Variants in RPS6KA2 observed in about 807,000 individuals in gnomAD.
RPS6KA2 encodes the protein ribosomal protein S6 kinase A2, also known as ribosomal protein S6 kinase alpha-2.
RPS6KA2 carries 42 observed loss-of-function variants against 91.8 expected under a neutral mutation model. The observed-to-expected ratio is 0.46, with a 90% CI of 0.36 to 0.59. The LOEUF (loss-of-function observed/expected upper bound fraction) is 0.59. Ranked by LOEUF, RPS6KA2 falls within the 20% of genes least tolerant of loss-of-function variation. RPS6KA2 has a pLI of 0.00. For synonymous variants in RPS6KA2, 414 were observed against 393.6 expected (o/e 1.05, Z -0.61); for missense variants, 798 against 978.5 (o/e 0.82, Z 2.46).
Position 166,533,852 on chromosome 6 carries a change from C to T in RPS6KA2, c.217-2539G>A, listed in dbSNP as rs1783381650. Among the ~76,000 whole-genome samples, 1 of 152,184 alleles carries T rather than the reference C, an allele frequency of 6.6e-6. No individual in the cohort carries two copies. The highest frequency in any genetic ancestry group is 2.1e-4 in the South Asian group (1 of 4,834). On this transcript the variant is annotated intron_variant, in intron 2 of 20. Coordinates refer to ENST00000265678, the MANE Select transcript of RPS6KA2 (RefSeq NM_021135.6). This position sits in a 1 kb window ranked among gnomAD's most constrained non-coding sequence, Gnocchi z 4.0. Reference sequence around the variant, plus strand: ...AATCCAGCACATTGGGAGGCTGAGACAGAAGGATCTCTTGAGGCCAAGAAT... The same window carrying T: ...AATCCAGCACATTGGGAGGCTGAGATAGAAGGATCTCTTGAGGCCAAGAAT...
chr6:166,562,129 C>T (rs116408712), intron 1 of RPS6KA2, among the ~76,000 whole-genome samples: 30 of 152,244 alleles, frequency 2.0e-4, no homozygotes, highest in African/African-American at 6.7e-4. Flanking sequence ...AGACTTCCTA[C>T]AGGATACAGG....
At chr6:166,649,229 G>A (rs561550810) in intron 2 of RPS6KA2, among the ~76,000 whole-genome samples, 5 of 152,162 alleles carry the variant, frequency 3.3e-5, no homozygotes, top group African/African-American at 4.8e-5. Flanking sequence ...GCCCGTCTGC[G>A]CTCCTGCCCC....
chr6:166,826,906 A>G (rs919187973), intron 2 of RPS6KA2, among the ~76,000 whole-genome samples: 2 of 152,204 alleles, frequency 1.3e-5, no homozygotes, highest in Non-Finnish European at 2.9e-5. Flanking sequence ...TATGAATTAT[A>G]TAACTGATTA....
At chr6:166,738,762 T>G (rs1790735744) in intron 2 of RPS6KA2, among the ~76,000 whole-genome samples, 1 of 152,118 alleles carries the variant, frequency 6.6e-6, no homozygotes. Context: ...AAGATATCAA[T>G]CCACGGAGTT....
chr6:166,746,782 A>G (rs1016622234), intron 2 of RPS6KA2, among the ~76,000 whole-genome samples: 9 of 152,080 alleles, frequency 5.9e-5, no homozygotes, highest in African/African-American at 1.4e-4. Context: ...GGTTCCTTCA[A>G]CTAAATAGGG....
intron 2 of RPS6KA2, among the ~76,000 whole-genome samples, chr6:166,674,596 T>G (rs1788568089): frequency 6.6e-6 from 1 of 152,322 alleles, no homozygotes; most frequent in South Asian, 2.1e-4. Flanking sequence ...AAGCTGTTTA[T>G]GGAAATAAGA....
rs1012776633 is a variant in RPS6KA2, at chr6:166,737,559, G to C, written c.123+120641C>G. On this transcript the variant is annotated intron_variant, in intron 2 of 21. Transcript: ENST00000503859. This position sits in a 1 kb window ranked among gnomAD's most constrained non-coding sequence, Gnocchi z 4.3. ...ATTCTAAACGTCTCCTTTGCAAATTGTTCAATTAAAAACAGAATGAGCTTT... is the reference window on the plus strand; with the variant it reads ...ATTCTAAACGTCTCCTTTGCAAATTCTTCAATTAAAAACAGAATGAGCTTT... 6.6e-6 allele frequency among the ~76,000 whole-genome samples: 1 copy of C among 152,156 alleles called. No homozygotes were observed. The highest frequency in any genetic ancestry group is 1.5e-5 in the Non-Finnish European group (1 of 68,024).
At chr6:166,797,004 G>C (rs1321807014) in intron 2 of RPS6KA2, among the ~76,000 whole-genome samples, 3 of 152,246 alleles carry the variant, frequency 2.0e-5, no homozygotes, top group African/African-American at 4.8e-5. Flanking sequence ...TCATTCTCCA[G>C]GGCATTTGAG....
chr6:166,552,959 T>C (rs185234378), intron 1 of RPS6KA2, among the ~76,000 whole-genome samples: 22 of 152,378 alleles, frequency 1.4e-4, no homozygotes, highest in Admixed American at 3.9e-4. Context: ...AGCTTTGACA[T>C]TGATCTACTA....
intron 2 of RPS6KA2, among the ~76,000 whole-genome samples, chr6:166,754,529 C>T (rs1440118271): frequency 6.6e-6 from 1 of 152,114 alleles, no homozygotes; most frequent in Non-Finnish European, 1.5e-5. Context: ...TGGTACTGGG[C>T]CCTGGGAGGA....
In RPS6KA2 at chr6:166,478,706, G is replaced by A. The variant is rs1487813789; in HGVS notation, c.908-8801C>T. 2.6e-5 allele frequency among the ~76,000 whole-genome samples: 4 copies of A among 152,340 alleles called. No individual in the cohort carries two copies. The East Asian group carries it at 7.7e-4, about 29-fold the overall frequency. ...AAGTGGCAGAGAAAGAAAAGTGTCA[G>A]ATGAGCAGGAAGCAATGAGGCCGGG... On this transcript the variant is annotated intron_variant, in intron 10 of 20. Coordinates refer to ENST00000265678, the MANE Select transcript of RPS6KA2 (RefSeq NM_021135.6).
intron 10 of RPS6KA2, among the ~76,000 whole-genome samples, chr6:166,484,605 T>C (rs145269196): frequency 1.4e-3 from 219 of 152,304 alleles, no homozygotes; most frequent in African/African-American, 5.1e-3. Flanking sequence ...GGAGGTGTTG[T>C]AGCCGCATTG....
intron 2 of RPS6KA2, among the ~76,000 whole-genome samples, chr6:166,681,517 T>C (rs1243853470): frequency 6.6e-6 from 1 of 151,932 alleles, no homozygotes; most frequent in Non-Finnish European, 1.5e-5. Context: ...GGCTGACCAG[T>C]GTGACCAGTG....
rs953519640 is a variant in RPS6KA2 at position 166,645,755 on chromosome 6, G to A, written c.124-106971C>T. 2.6e-5 allele frequency among the ~76,000 whole-genome samples: 4 copies of A among 152,374 alleles called. No homozygotes were observed. The East Asian group carries it at 5.8e-4, about 22-fold the overall frequency. The stretch of plus-strand genomic sequence containing the variant: ...AGAATTCATTTTTAGCTCTAAATAA[G>A]TAAAGGTATGAATTAAACAGTAGCA... On this transcript the variant is annotated intron_variant, in intron 2 of 21. Coordinates refer to the RPS6KA2 transcript ENST00000503859.
At chr6:166,461,572 A>C (rs1583165097) in intron 11 of RPS6KA2, among the ~76,000 whole-genome samples, 1 of 24,800 alleles carries the variant, frequency 4.0e-5, no homozygotes, top group African/African-American at 1.7e-4. Flanking sequence ...GGAGGGGAGG[A>C]GGGGAGAAAT....
intron 2 of RPS6KA2, among the ~76,000 whole-genome samples, chr6:166,740,109 G>A (rs147880141): frequency 1.3e-4 from 20 of 152,308 alleles, no homozygotes; most frequent in African/African-American, 3.4e-4. Flanking sequence ...CATGCTCTTC[G>A]TGGCTTCTTG....
intron 1 of RPS6KA2, among the ~76,000 whole-genome samples, chr6:166,556,855 T>C (rs1173619377): frequency 1.3e-5 from 2 of 152,216 alleles, no homozygotes; most frequent in African/African-American, 4.8e-5. Context: ...GTCAGGGCAG[T>C]CTTTGTAAAA....
chr6:166,806,949 T>C (rs1779507578), intron 2 of RPS6KA2, among the ~76,000 whole-genome samples: 1 of 152,242 alleles, frequency 6.6e-6, no homozygotes, highest in Non-Finnish European at 1.5e-5. Context: ...CAAATCACAA[T>C]GTTACAATTT....
At chr6:166,438,362 C>T (rs1393799730) in intron 14 of RPS6KA2, among the ~76,000 whole-genome samples, 1 of 152,244 alleles carries the variant, frequency 6.6e-6, no homozygotes, top group Non-Finnish European at 1.5e-5. Context: ...TGAGTACAGA[C>T]TGGAGCCTCC....
Sources: gnomAD v4.1 joint callset for allele counts (sites outside exome capture counted in the v4.1 genomes callset) on GRCh38, gnomAD v4.1.1 for gene constraint, Gnocchi (gnomAD v3.1) non-coding constraint, MANE v1.5 for transcripts, NCBI Gene and HGNC (gene_info 2026-07-23, HGNC 2026-07-21) for gene names.